SRRT: variants seen among roughly 807,000 people sequenced by gnomAD.
The protein encoded by SRRT is serrate RNA effector molecule homolog.
SRRT carries 32 observed loss-of-function variants against 103.2 expected under a neutral mutation model. The observed-to-expected ratio is 0.31, with a 90% CI of 0.23 to 0.42. The LOEUF (loss-of-function observed/expected upper bound fraction) is 0.42. SRRT is among the 10% of genes least tolerant of loss of function. SRRT has a pLI of 1.00. For missense variants in SRRT, 986 were observed against 1,207.5 expected, an observed-to-expected ratio of 0.82 and a Z score of 2.72; for synonymous variants, 525 against 449.0, an observed-to-expected ratio of 1.17 and a Z score of -2.14.
chr7:100,876,443 C>T (rs1369039779), intron 2 of SRRT, among the ~76,000 whole-genome samples: 3 of 152,144 alleles, frequency 2.0e-5, no homozygotes, highest in Non-Finnish European at 2.9e-5. Context: ...TGAGCCAGTG[C>T]TTGGTCTAAA....
intron 2 of SRRT, among the ~76,000 whole-genome samples, chr7:100,878,876 T>TCTTC (rs973470816): frequency 1.3e-5 from 2 of 151,792 alleles, no homozygotes; most frequent in Non-Finnish European, 2.9e-5. Context: ...TAACCTACTT[T>TCTTC]CTTCCTTCCT....
In SRRT at chr7:100,888,240, A is replaced by G. The variant is rs1790368927; in HGVS notation, c.2429-17A>G. 6.2e-7 allele frequency: 1 copy of G among 1,605,160 alleles called. No individual in the cohort carries two copies. Among genetic ancestry groups the G allele is most frequent in the African/African-American group, 1.3e-5 (1 of 74,606 alleles). ...TGAGGACATAGTTTTGCAACTCAACACTGATCTCTGTCATAGCTGGTGCTG... is the reference window on the plus strand; with the variant it reads ...TGAGGACATAGTTTTGCAACTCAACGCTGATCTCTGTCATAGCTGGTGCTG... On this transcript the variant is annotated splice_polypyrimidine_tract_variant and intron_variant, in intron 18 of 19. Transcript: ENST00000611405.
At chr7:100,883,987 C>T in intron 5 of SRRT, 83 bp from the exon 6 acceptor site, 1 of 1,439,114 alleles carries the variant, frequency 6.9e-7, no homozygotes, top group Non-Finnish European at 9.4e-7. Flanking sequence ...GGGATATGCC[C>T]TGTCTTTCCT....
At position 100,882,338 on chromosome 7, in the gene SRRT, C is replaced by T. The variant is rs1340901686; in HGVS notation, c.587+97C>T. On this transcript the variant is annotated intron_variant, in intron 5 of 19. Coordinates refer to ENST00000611405, the MANE Select transcript of SRRT (RefSeq NM_015908.6). This position sits in a 1 kb window ranked among gnomAD's most constrained non-coding sequence, Gnocchi z 4.2. ...TGTCCTCTTCCCAGTTTTCCCTGTC[C>T]AGAACTTTCTGGGGGCGGGGGTCGG... 7.8e-6 allele frequency: 11 copies of T among 1,409,286 alleles called. No homozygotes were observed. In the East Asian group the frequency reaches 2.4e-4, roughly 31 times the overall value. 87.3% of individuals were successfully genotyped at this position (1,409,286 alleles called of 1,614,324 possible).
At position 100,886,244 on chromosome 7, in the gene SRRT, C is replaced by G; in HGVS notation, c.1459-3C>G. The stretch of plus-strand genomic sequence containing the variant: ...TAAGCTGCTGATGATGTCTGCCCTC[C>G]AGCTCCGGGAGTGTGAGCTGAGCCC... On this transcript the variant is annotated splice_region_variant and splice_polypyrimidine_tract_variant and intron_variant, in intron 12 of 19. Coordinates refer to ENST00000611405, the MANE Select transcript of SRRT (RefSeq NM_015908.6). 2 of 1,609,244 alleles carry G rather than the reference C, an allele frequency of 1.2e-6. No individual in the cohort carries two copies. Among genetic ancestry groups the G allele is most frequent in the Non-Finnish European group, 1.7e-6 (2 of 1,177,974 alleles).
chr7:100,876,684 G>T (rs190021899), intron 2 of SRRT, among the ~76,000 whole-genome samples: 5 of 152,178 alleles, frequency 3.3e-5, no homozygotes, highest in Admixed American at 1.3e-4. Flanking sequence ...TTGACCTTAG[G>T]GTGTTACAGT....
intron 2 of SRRT, among the ~76,000 whole-genome samples, chr7:100,878,992 C>G (rs1816027736): frequency 1.3e-5 from 2 of 151,450 alleles, no homozygotes; most frequent in South Asian, 2.1e-4. Context: ...GAGTCTCACT[C>G]TGCCCAGGCT....
intron 2 of SRRT, among the ~76,000 whole-genome samples, chr7:100,877,540 G>A (rs1461445540): frequency 7.0e-6 from 1 of 143,250 alleles, no homozygotes; most frequent in Non-Finnish European, 1.5e-5. Flanking sequence ...ATTTTTTTTT[G>A]ACACAGAATC....
At chr7:100,880,276 TGG>T (rs1816163264) in intron 2 of SRRT, among the ~76,000 whole-genome samples, 2 of 151,918 alleles carry the variant, frequency 1.3e-5, no homozygotes, top group Admixed American at 1.3e-4. Context: ...GGGCCCATAG[TGG>T]TGGGATGAAT....
At chr7:100,886,707 C>T (rs111890028) in intron 13 of SRRT, 88 bp from the exon 14 acceptor site, 32,093 of 1,440,680 alleles carry the variant, frequency 0.022, 458 homozygotes, top group Non-Finnish European at 0.027. Context: ...AACTCCTGTC[C>T]CCTCGCTGCT....
chr7:100,877,417 C>T (rs1445870483), intron 2 of SRRT, among the ~76,000 whole-genome samples: 3 of 45,792 alleles, frequency 6.6e-5, no homozygotes, highest in African/African-American at 2.6e-4. Flanking sequence ...AAGACTCTGT[C>T]TCAAAAAAAA....
intron 4 of SRRT, 120 bp from the exon 5 acceptor site, chr7:100,881,933 C>A: frequency 1.4e-6 from 2 of 1,472,760 alleles, no homozygotes; most frequent in Non-Finnish European, 1.8e-6. Context: ...GGGGTGGTAG[C>A]TGTTGGGGTT....
Position 100,888,048 on chromosome 7 carries a change from C to T in SRRT, c.2333C>T (p.Pro778Leu). The T allele has an allele frequency of 2.6e-6, 4 of 1,556,512 alleles. No homozygotes were observed. The highest frequency in any genetic ancestry group is 1.4e-5 in the African/African-American group (1 of 72,612). ...CATGTCCCTGTCCGTGTTGTACTCC[C>T]CCCAGGTTTGACCCCAGGACTCCCC... ...AQPPGPAQIL[P>L]PGLTPGLPYP... The change falls in exon 18 of 20, where the codon CCC becomes CTC. Residue 778 changes from proline to leucine, a missense_variant. By Grantham distance (98) the Pro-to-Leu change is moderately conservative. Transcript: ENST00000611405.
In SRRT at chr7:100,885,394, G is replaced by T; in HGVS notation, c.1317+24G>T. The T allele has an allele frequency of 6.2e-7, 1 of 1,603,128 alleles. No individual in the cohort carries two copies. The highest frequency in any genetic ancestry group is 1.1e-5 in the South Asian group (1 of 90,400). On this transcript the variant is annotated intron_variant, in intron 10 of 19. Coordinates refer to ENST00000611405, the MANE Select transcript of SRRT (RefSeq NM_015908.6). This position sits in a 1 kb window ranked among gnomAD's most constrained non-coding sequence, Gnocchi z 4.8. ...CCGTGAGTGGGGACCCGTGGAGTCA[G>T]GGCAGGGCTGATGGAGAAGTGGAGG... is the stretch of plus-strand genomic sequence containing the variant.
At chr7:100,876,027 T>TA (rs1319628776) in intron 2 of SRRT, 5 of 307,068 alleles carry the variant, frequency 1.6e-5, no homozygotes, top group Non-Finnish European at 3.3e-5. Context: ...TCTGCTGCCC[T>TA]GGCTGGAGTG....
rs955763404 is a variant in SRRT at position 100,886,780 on chromosome 7, T to C, written c.1648-15T>C. On this transcript the variant is annotated splice_polypyrimidine_tract_variant and intron_variant, in intron 13 of 19. Transcript: ENST00000611405. ...AGGTCTTCTCTGCCTTACTTGCTTC[T>C]CTTCCTCCCATCAGAGCCTGCCCTC... The C allele has an allele frequency of 6.2e-7, 1 of 1,613,986 alleles. No homozygotes were observed. The highest frequency in any genetic ancestry group is 8.5e-7 in the Non-Finnish European group (1 of 1,179,944).
intron 2 of SRRT, 49 bp downstream of exon 2, chr7:100,875,761 C>G: frequency 6.2e-7 from 1 of 1,605,044 alleles, no homozygotes; most frequent in East Asian, 2.2e-5. Context: ...CCGTTTCACT[C>G]CACCCGCGTC....
At chr7:100,880,042 C>T (rs1584737993) in intron 2 of SRRT, among the ~76,000 whole-genome samples, 1 of 152,174 alleles carries the variant, frequency 6.6e-6, no homozygotes, top group African/African-American at 2.4e-5. Flanking sequence ...AAGCGAGAGA[C>T]CAGAAGCAGG....
In SRRT at chr7:100,886,307, A is replaced by G. The variant is rs927582149; in HGVS notation, c.1519A>G (p.Ile507Val). 20 of 1,613,548 alleles carry G rather than the reference A, an allele frequency of 1.2e-5. No homozygotes were observed. The highest frequency in any genetic ancestry group is 1.6e-5 in the Non-Finnish European group (19 of 1,180,018). The change falls in exon 13 of 20, where the codon ATC becomes GTC. Residue 507 changes from isoleucine to valine, a missense_variant. Transcript: ENST00000611405. ...GGACCTGACCCGGCGCGTTCGCAAC[A>G]TCAACGGCATCACCCAGCACAAGCA... Reference protein sequence around the residue: ...NRDLTRRVRNINGITQHKQIV... With the variant: ...NRDLTRRVRNVNGITQHKQIV...
Sources: gnomAD v4.1 joint callset for allele counts (sites outside exome capture counted in the v4.1 genomes callset) on GRCh38, gnomAD v4.1.1 for gene constraint, Gnocchi (gnomAD v3.1) non-coding constraint, MANE v1.5 for transcripts, NCBI Gene and HGNC (gene_info 2026-07-23, HGNC 2026-07-21) for gene names.